STMN4: variants seen among roughly 807,000 people sequenced by gnomAD.
STMN4 encodes stathmin-4.
A neutral mutation model predicts 29.1 loss-of-function variants in STMN4; 12 were observed. That is an observed-to-expected ratio of 0.41 (90% CI 0.26 to 0.67). STMN4 has a LOEUF of 0.67. Ranked by LOEUF, STMN4 falls within the 30% of genes least tolerant of loss-of-function variation. The pLI is 0.30. For missense variants in STMN4, 181 were observed against 262.8 expected, an observed-to-expected ratio of 0.69 and a Z score of 2.15; for synonymous variants, 114 against 105.3, an observed-to-expected ratio of 1.08 and a Z score of -0.51.
At chr8:27,238,045 G>A (rs1049655375) in intron 6 of STMN4, among the ~76,000 whole-genome samples, 2 of 152,138 alleles carry the variant, frequency 1.3e-5, no homozygotes, top group African/African-American at 4.8e-5. Flanking sequence ...TATAAACTAC[G>A]AATCTGTCCC....
At chr8:27,239,146 C>T in intron 6 of STMN4, 4 of 1,465,338 alleles carry the variant, frequency 2.7e-6, no homozygotes, top group Non-Finnish European at 3.6e-6. Flanking sequence ...GTGAAGAAAC[C>T]AGATCCTTCT....
chr8:27,252,263 A>G (rs1390326243), intron 1 of STMN4, among the ~76,000 whole-genome samples: 1 of 152,180 alleles, frequency 6.6e-6, no homozygotes, highest in East Asian at 1.9e-4. Flanking sequence ...TAATGCCGCA[A>G]TAAACATACG....
rs1563409768 is a variant in STMN4, at chr8:27,236,039, T to C, written c.*807A>G. On this transcript the variant is annotated 3_prime_UTR_variant, in exon 7 of 7. Transcript: ENST00000350889. ...TCAGTTCATTGAAAGGAAGATTGAGTTTCTTTTCTCATCAATTTAGTGCAT... is the reference window on the plus strand; with the variant it reads ...TCAGTTCATTGAAAGGAAGATTGAGCTTCTTTTCTCATCAATTTAGTGCAT... 6.6e-6 allele frequency: 1 copy of C among 152,188 alleles called. No homozygotes were observed. The highest frequency in any genetic ancestry group is 1.5e-5 in the Non-Finnish European group (1 of 68,030). 9.4% of individuals were successfully genotyped at this position (152,188 alleles called of 1,614,324 possible). A position where few individuals can be genotyped will look rare whatever the true frequency, so the allele number is the denominator to read the frequency against.
At chr8:27,254,934 T>A (rs912586224) in intron 1 of STMN4, among the ~76,000 whole-genome samples, 14 of 151,168 alleles carry the variant, frequency 9.3e-5, no homozygotes, top group Non-Finnish European at 1.8e-4. Context: ...AGCACTCGTG[T>A]GTGTAGGGGA....
chr8:27,256,771 G>T (rs1372371070), intron 1 of STMN4, among the ~76,000 whole-genome samples: 1 of 152,136 alleles, frequency 6.6e-6, no homozygotes, highest in Non-Finnish European at 1.5e-5. Context: ...ATGGGTCTCA[G>T]CCTTCAGTTA....
intron 1 of STMN4, among the ~76,000 whole-genome samples, chr8:27,251,286 G>A (rs978586279): frequency 2.1e-5 from 3 of 139,622 alleles, no homozygotes; most frequent in Admixed American, 1.5e-4. Flanking sequence ...ACGTATATAC[G>A]TATATATATA....
At chr8:27,255,852 G>A (rs576192428) in intron 1 of STMN4, among the ~76,000 whole-genome samples, 1 of 152,140 alleles carries the variant, frequency 6.6e-6, no homozygotes, top group African/African-American at 2.4e-5. Context: ...AAGCAAAAAT[G>A]CAGGACACTT....
rs1190786834 is a variant in STMN4 at position 27,241,094 on chromosome 8, T to C, written c.359A>G (p.Glu120Gly). 1.2e-6 allele frequency: 2 copies of C among 1,614,188 alleles called. No homozygotes were observed. The highest frequency in any genetic ancestry group is 4.5e-5 in the East Asian group (2 of 44,884). Residue 120 changes from glutamate (E) to glycine (G), a missense_variant, in exon 5 of 7, where the codon GAG becomes GGG. Coordinates refer to ENST00000350889, the MANE Select transcript of STMN4 (RefSeq NM_030795.4). ...LPRRRDPSLE[E>G]IQKKLEAAEE... Reference sequence around the variant, plus strand: ...AGCCGCTTCTAGTTTCTTCTGGATCTCTTCCAGGGATGGGTCTCGCCGCCT... The same window carrying C: ...AGCCGCTTCTAGTTTCTTCTGGATCCCTTCCAGGGATGGGTCTCGCCGCCT...
In STMN4 at chr8:27,242,509, T is replaced by G; in HGVS notation, c.14-17A>C. The G allele has an allele frequency of 6.2e-7, 1 of 1,613,502 alleles. No individual in the cohort carries two copies. The highest frequency in any genetic ancestry group is 8.5e-7 in the Non-Finnish European group (1 of 1,179,540). ...CTTTGTAGGCTGCGGAAACACCCAG[T>G]CAGGTGAGGATGGCGCCTCTCCTAG... On this transcript the variant is annotated splice_polypyrimidine_tract_variant and intron_variant, in intron 2 of 6. Transcript: ENST00000350889.
At chr8:27,254,273 T>C (rs1339431845) in intron 1 of STMN4, among the ~76,000 whole-genome samples, 3 of 152,196 alleles carry the variant, frequency 2.0e-5, no homozygotes, top group Non-Finnish European at 2.9e-5. Context: ...TCTGGCTGTC[T>C]AGGCACAGAC....
intron 3 of STMN4, 109 bp from the exon 4 acceptor site, chr8:27,241,866 C>T: frequency 1.5e-6 from 2 of 1,293,000 alleles, no homozygotes. Flanking sequence ...GTGACCTGGT[C>T]CCCGAGCACC....
In STMN4 at chr8:27,236,712, G is replaced by A; in HGVS notation, c.*134C>T. ...TTAACATGTACAAACACCAAAAGCA[G>A]AGGAAACGCCCCTTGGCCACCCCCC... On this transcript the variant is annotated 3_prime_UTR_variant, in exon 7 of 7. Coordinates refer to ENST00000350889, the MANE Select transcript of STMN4 (RefSeq NM_030795.4). 1.6e-5 allele frequency: 11 copies of A among 694,930 alleles called. No individual in the cohort carries two copies. Among genetic ancestry groups the A allele is most frequent in the Non-Finnish European group, 2.3e-6 (1 of 438,220 alleles). The allele number at this position is 694,930 out of a possible 1,614,324, so 43.0% of individuals were successfully genotyped here.
At chr8:27,252,471 G>A (rs1346648989) in intron 1 of STMN4, among the ~76,000 whole-genome samples, 2 of 152,246 alleles carry the variant, frequency 1.3e-5, no homozygotes, top group East Asian at 1.9e-4. Context: ...AATTTTTTAA[G>A]GTAGAGATGG....
At chr8:27,242,210 C>A in intron 3 of STMN4, 187 bp downstream of exon 3, 1 of 625,478 alleles carries the variant, frequency 1.6e-6, no homozygotes, top group Non-Finnish European at 2.8e-6. Flanking sequence ...CATGGCCTCC[C>A]CCTAGTGCCC....
intron 6 of STMN4, chr8:27,239,257 A>G: frequency 6.5e-7 from 1 of 1,535,630 alleles, no homozygotes; most frequent in Non-Finnish European, 8.7e-7. Flanking sequence ...AGGTCCCGGG[A>G]GTCACCGCGC....
At chr8:27,252,771 G>A (rs938491750) in intron 1 of STMN4, among the ~76,000 whole-genome samples, 4 of 152,170 alleles carry the variant, frequency 2.6e-5, no homozygotes, top group African/African-American at 7.2e-5. Flanking sequence ...AAAGCTCCAT[G>A]TTATGTCCTC....
intron 1 of STMN4, among the ~76,000 whole-genome samples, chr8:27,248,551 T>G (rs1315959395): frequency 6.6e-6 from 1 of 152,206 alleles, no homozygotes; most frequent in Non-Finnish European, 1.5e-5. Context: ...AGGAAGCCAC[T>G]GACATCTTTT....
chr8:27,241,266 C>T lies in STMN4; in HGVS notation c.191-4G>A. On this transcript the variant is annotated splice_polypyrimidine_tract_variant and splice_region_variant and intron_variant, in intron 4 of 6. Coordinates refer to ENST00000350889, the MANE Select transcript of STMN4 (RefSeq NM_030795.4). ...CAATTCAGGTCCACCGTGTCTGCTA[C>T]AGAGGGCAGAGAAGGGGCTGCTCAC... The T allele has an allele frequency of 6.2e-7, 1 of 1,614,158 alleles. No individual in the cohort carries two copies. Among genetic ancestry groups the T allele is most frequent in the Non-Finnish European group, 8.5e-7 (1 of 1,180,030 alleles).
At chr8:27,251,285 CGT>C (rs1491385044) in intron 1 of STMN4, among the ~76,000 whole-genome samples, 2 of 110,878 alleles carry the variant, frequency 1.8e-5, no homozygotes, top group Non-Finnish European at 3.8e-5. Flanking sequence ...CACGTATATA[CGT>C]ATATATATAT....
Sources: allele counts gnomAD v4.1 joint callset (sites outside exome capture counted in the v4.1 genomes callset), GRCh38; gene constraint gnomAD v4.1.1; transcripts MANE v1.5; gene names NCBI Gene and HGNC (gene_info 2026-07-23, HGNC 2026-07-21).